CDC20: variants seen among roughly 807,000 people sequenced by gnomAD.
CDC20 encodes the protein cell division cycle 20, also known as cell division cycle protein 20 homolog.
In CDC20, 34 loss-of-function variants were observed where a neutral mutation model predicts 60.0. The observed-to-expected ratio is 0.57, with a 90% CI of 0.43 to 0.75. CDC20 has a LOEUF of 0.75. CDC20 is among the 30% of genes least tolerant of loss of function. CDC20 has a pLI of 0.00. For synonymous variants in CDC20, 198 were observed against 243.5 expected, an observed-to-expected ratio of 0.81 and a Z score of 1.74; for missense variants, 469 against 647.3, an observed-to-expected ratio of 0.72 and a Z score of 2.99.
Position 43,360,330 on chromosome 1 carries a change from G to A in CDC20, c.694G>A (p.Val232Met). ...GCAGCCTGGGGAATATATATCCTCT[G>A]TGGCCTGGATCAAAGAGGGCAACTA... ...MEQPGEYISS[V>M]AWIKEGNYLA... The change falls in exon 6 of 11, where the codon GTG becomes ATG. Residue 232 changes from valine to methionine, a missense_variant. Val to Met is a conservative substitution (Grantham distance 21). This residue lies in a region of CDC20 where 255 missense variants were observed against 326.7 expected (regional missense o/e 0.78). Transcript: ENST00000310955. The A allele has an allele frequency of 1.2e-6, 2 of 1,614,212 alleles. No homozygotes were observed. The highest frequency in any genetic ancestry group is 1.3e-5 in the African/African-American group (1 of 75,048).
intron 10 of CDC20, 23 bp downstream of exon 10, chr1:43,362,335 G>A (rs141880288): frequency 3.2e-5 from 31 of 979,270 alleles, no homozygotes; most frequent in East Asian, 4.8e-5. Flanking sequence ...GTGAAAAGCC[G>A]GACATAAAAG....
intron 8 of CDC20, 63 bp downstream of exon 8, chr1:43,361,024 G>C (rs1384521241): frequency 1.3e-6 from 2 of 1,597,838 alleles, no homozygotes; most frequent in African/African-American, 1.3e-5. Context: ...CTGTTAAGGG[G>C]AGAAGGGATG....
At position 43,359,275 on chromosome 1, in the gene CDC20, C is replaced by T. The variant is rs1420057724; in HGVS notation, c.60C>T (p.Ile20=). The part of the protein sequence containing the change: ...LHSLLQLDAP[I]PNAPPARWQR... The stretch of plus-strand genomic sequence containing the variant: ...CGCTGCTTCAGCTGGATGCACCCAT[C>T]CCCAATGCACCCCCTGCGCGCTGGC... The change falls in exon 2 of 11, where the codon ATC becomes ATT. Residue 20 remains isoleucine (I), a synonymous_variant. Transcript: ENST00000310955. The T allele has an allele frequency of 1.9e-6, 3 of 1,612,100 alleles. No individual in the cohort carries two copies. Among genetic ancestry groups the T allele is most frequent in the African/African-American group, 1.3e-5 (1 of 74,902 alleles).
At chr1:43,360,476 T>C in intron 6 of CDC20, 23 bp from the exon 7 acceptor site, 1 of 1,611,158 alleles carries the variant, frequency 6.2e-7, no homozygotes, top group Non-Finnish European at 8.5e-7. Context: ...CAATCTCTGA[T>C]CCTAGTGGGC....
rs1647166339 is a variant in CDC20 at position 43,360,272 on chromosome 1, C to T, written c.636C>T (p.Ser212=). 2.5e-6 allele frequency: 4 copies of T among 1,614,182 alleles called. No homozygotes were observed. The highest frequency in any genetic ancestry group is 2.2e-5 in the South Asian group (2 of 91,088). Residue 212 remains serine (S), a synonymous_variant, in exon 6 of 11, where the codon AGC becomes AGT. Coordinates refer to ENST00000310955, the MANE Select transcript of CDC20 (RefSeq NM_001255.3). ...ACAGTGTGTACCTGTGGAGTGCAAG[C>T]TCTGGTGACATCCTGCAGCTTTTGC... ...LDNSVYLWSA[S]SGDILQLLQM... is the part of the protein sequence containing the mutation.
Position 43,363,153 on chromosome 1 carries a change from T to C in CDC20, c.*24T>C. 1 of 1,594,562 alleles carries C rather than the reference T, an allele frequency of 6.3e-7. No homozygotes were observed. Among genetic ancestry groups the C allele is most frequent in the Non-Finnish European group, 8.5e-7 (1 of 1,172,396 alleles). On this transcript the variant is annotated 3_prime_UTR_variant, in exon 11 of 11. Coordinates refer to ENST00000310955, the MANE Select transcript of CDC20 (RefSeq NM_001255.3). The stretch of plus-strand genomic sequence containing the variant: ...GAAGACCAACCCATCACCTCAGTTG[T>C]TTTTTATTTTTCTAATAAAGTCATG...
At chr1:43,360,138 G>A (rs1647165512) in intron 5 of CDC20, 41 bp downstream of exon 5, 1 of 1,614,118 alleles carries the variant, frequency 6.2e-7, no homozygotes, top group Non-Finnish European at 8.5e-7. Flanking sequence ...TGGAGAAAGA[G>A]GGCCTGGGAC....
chr1:43,359,087 G>A, intron 1 of CDC20, 80 bp from the exon 2 acceptor site: 1 of 934,058 alleles, frequency 1.1e-6, no homozygotes, highest in Non-Finnish European at 1.7e-6. Context: ...TGCAGCCGAG[G>A]GTGGCCCTGA....
chr1:43,360,886 T>C lies in CDC20; in HGVS notation c.1002T>C (p.Asn334=). The change falls in exon 8 of 11, where the codon AAT becomes AAC. Residue 334 remains asparagine, a synonymous_variant. Coordinates refer to ENST00000310955, the MANE Select transcript of CDC20 (RefSeq NM_001255.3). ...GTGGTGGTAATGATAACTTGGTCAA[T>C]GTGTGGCCTAGTGCTCCTGGAGAGG... The part of the protein sequence containing the change: ...LASGGNDNLV[N]VWPSAPGEGG... 6.2e-7 allele frequency: 1 copy of C among 1,614,078 alleles called. No homozygotes were observed. The highest frequency in any genetic ancestry group is 8.5e-7 in the Non-Finnish European group (1 of 1,180,000).
At position 43,359,394 on chromosome 1, in the gene CDC20, C is replaced by T. The variant is rs1647159699; in HGVS notation, c.179C>T (p.Pro60Leu). 6 of 1,612,950 alleles carry T rather than the reference C, an allele frequency of 3.7e-6. No individual in the cohort carries two copies. The highest frequency in any genetic ancestry group is 5.1e-6 in the Non-Finnish European group (6 of 1,179,520). The change falls in exon 2 of 11, where the codon CCT becomes CTT. Residue 60 changes from proline (P) to leucine (L), a missense_variant and splice_region_variant. By Grantham distance (98) the Pro-to-Leu change is moderately conservative. Transcript: ENST00000310955. ...HSAGRTPGRT[P>L]GKSSSKVQTT... Reference sequence around the variant, plus strand: ...GCCGGCAGGACTCCGGGCCGAACTCCTGGTCAGTGAGGTGCCAAAGGAACT... The same window carrying T: ...GCCGGCAGGACTCCGGGCCGAACTCTTGGTCAGTGAGGTGCCAAAGGAACT...
intron 9 of CDC20, 106 bp from the exon 10 acceptor site, chr1:43,362,089 C>T (rs1647175134): frequency 2.9e-6 from 2 of 684,370 alleles, no homozygotes; most frequent in Admixed American, 2.2e-5. Flanking sequence ...GATCATTCAA[C>T]TCTGAGTCTG....
rs745369678 is a variant in CDC20 at position 43,359,197 on chromosome 1, TC to T, written c.-14del. On this transcript the variant is annotated 5_prime_UTR_variant, in exon 2 of 11. Transcript: ENST00000310955. ...CGTAGGCACCAACTGCAAGGACCCC[TC>T]CCCCTGCGGGCGCTCCCATGGCACA... 6.2e-7 allele frequency: 1 copy of T among 1,610,752 alleles called. No homozygotes were observed. The highest frequency in any genetic ancestry group is 2.2e-5 in the East Asian group (1 of 44,834).
chr1:43,361,952 C>T (rs181063440), intron 9 of CDC20, among the ~76,000 whole-genome samples: 9 of 152,350 alleles, frequency 5.9e-5, no homozygotes, highest in Non-Finnish European at 1.3e-4. Flanking sequence ...ATTGATTCCT[C>T]ATCTATCCAA....
At position 43,359,512 on chromosome 1, in the gene CDC20, G is replaced by C; in HGVS notation, c.204G>C (p.Gln68His). ...CAGGCAAATCCAGTTCCAAGGTTCA[G>C]ACCACTCCTAGCAAACCTGGCGGTG... ...RTPGKSSSKV[Q>H]TTPSKPGGDR... Residue 68 changes from glutamine (Q) to histidine (H), a missense_variant, in exon 3 of 11, where the codon CAG (glutamine) becomes CAC (histidine). Physicochemically the swap from Gln to His is conservative, Grantham distance 24 (BLOSUM62 0). This residue lies in a region of CDC20 where 115 missense variants were observed against 156.1 expected (regional missense o/e 0.74). Transcript: ENST00000310955. 6.2e-7 allele frequency: 1 copy of C among 1,614,116 alleles called. No homozygotes were observed. The highest frequency in any genetic ancestry group is 8.5e-7 in the Non-Finnish European group (1 of 1,180,028).
At position 43,360,836 on chromosome 1, in the gene CDC20, G is replaced by T. The variant is rs867593106; in HGVS notation, c.952G>T (p.Ala318Ser). The change falls in exon 8 of 11, where the codon GCC (alanine) becomes TCC (serine). Residue 318 changes from alanine (A) to serine (S), a missense_variant. Around this residue, in one of 5 missense-constraint regions of CDC20, gnomAD observed 255 missense variants for 326.7 expected, o/e 0.78. Coordinates refer to ENST00000310955, the MANE Select transcript of CDC20 (RefSeq NM_001255.3). ...CCAGGAAGTGTGTGGGCTGCGCTGG[G>T]CCCCAGATGGACGACATTTGGCCAG... ...HSQEVCGLRW[A>S]PDGRHLASGG... The T allele has an allele frequency of 6.2e-7, 1 of 1,614,150 alleles. No homozygotes were observed. Among genetic ancestry groups the T allele is most frequent in the Non-Finnish European group, 8.5e-7 (1 of 1,179,980 alleles).
chr1:43,360,972 T>C lies in CDC20; in HGVS notation c.1077+11T>C. On this transcript the variant is annotated intron_variant, in intron 8 of 10. Coordinates refer to ENST00000310955, the MANE Select transcript of CDC20 (RefSeq NM_001255.3). ...CAAGGGGCTGTCAAGGTGAGTAGGG[T>C]TGGGCTGAAGCCTCTGCAGACCCTC... 1 of 1,609,900 alleles carries C rather than the reference T, an allele frequency of 6.2e-7. No individual in the cohort carries two copies. The highest frequency in any genetic ancestry group is 1.1e-5 in the South Asian group (1 of 90,992).
intron 10 of CDC20, 22 bp from the exon 11 acceptor site, chr1:43,362,929 G>A (rs764169352): frequency 5.7e-6 from 9 of 1,567,440 alleles, no homozygotes; most frequent in Non-Finnish European, 7.8e-6. Context: ...GCATTCGTAT[G>A]TACTGTTCTC....
chr1:43,359,655 G>A lies in CDC20; in HGVS notation c.330+17G>A. The stretch of plus-strand genomic sequence containing the variant: ...ACCAAGAAGGTATGTGTCCCAGAGG[G>A]GCTTAAGGCACGGGACCTGACTGTT... On this transcript the variant is annotated intron_variant, in intron 3 of 10. Coordinates refer to ENST00000310955, the MANE Select transcript of CDC20 (RefSeq NM_001255.3). 5 of 1,613,950 alleles carry A rather than the reference G, an allele frequency of 3.1e-6. No individual in the cohort carries two copies. Among genetic ancestry groups the A allele is most frequent in the Non-Finnish European group, 4.2e-6 (5 of 1,180,016 alleles).
chr1:43,362,802 T>C (rs1239714228), intron 10 of CDC20, 149 bp from the exon 11 acceptor site: 3 of 624,492 alleles, frequency 4.8e-6, no homozygotes, highest in African/African-American at 3.8e-5. Flanking sequence ...GAGGCGGAGC[T>C]TGCAGTGAGC....
Sources: allele counts gnomAD v4.1 joint callset (sites outside exome capture counted in the v4.1 genomes callset), GRCh38; gene constraint gnomAD v4.1.1; regional missense constraint gnomAD v4.1.1; transcripts MANE v1.5; gene names NCBI Gene and HGNC (gene_info 2026-07-23, HGNC 2026-07-21).